DCAF8L2: variants seen among roughly 807,000 people sequenced by gnomAD.
DCAF8L2 encodes DDB1 and CUL4 associated factor 8 like 2.
For synonymous variants in DCAF8L2, 200 were observed against 190.9 expected, an observed-to-expected ratio of 1.05 and a Z score of -0.39; for missense variants, 430 against 490.7, an observed-to-expected ratio of 0.88 and a Z score of 1.17.
chrX:27,699,409 G>A (rs1005141414), intron 3 of DCAF8L2, among the ~76,000 whole-genome samples: 1 of 112,065 alleles, frequency 8.9e-6, no homozygotes, highest in East Asian at 2.8e-4. Flanking sequence ...ACTCAGGAGA[G>A]AGGAAAGGCC....
chrX:27,471,830 G>A, the DCAF8L2 span, among the ~76,000 whole-genome samples: 14 of 111,569 alleles, frequency 1.3e-4, no homozygotes, highest in East Asian at 1.1e-3. Flanking sequence ...AAGACAATAG[G>A]TGTTCAGTGA....
intron 4 of DCAF8L2, among the ~76,000 whole-genome samples, chrX:27,737,927 C>G (rs1285758983): frequency 9.0e-6 from 1 of 111,556 alleles, no homozygotes; most frequent in Admixed American, 9.5e-5. Context: ...ATCTTTCCCA[C>G]TAGGATGTTA....
chrX:27,507,528 T>C, the DCAF8L2 span, among the ~76,000 whole-genome samples: 5 of 111,876 alleles, frequency 4.5e-5, 1 homozygote, highest in Admixed American at 4.8e-4. Context: ...TTCCATATTA[T>C]GTTCTAGTCA....
intron 1 of DCAF8L2, among the ~76,000 whole-genome samples, chrX:27,621,688 A>G (rs1394293707): frequency 9.0e-6 from 1 of 111,549 alleles, no homozygotes; most frequent in Non-Finnish European, 1.9e-5. Flanking sequence ...GATGTGTGCA[A>G]TAGGAGTTCT....
the DCAF8L2 span, among the ~76,000 whole-genome samples, chrX:27,532,938 G>A: frequency 1.9e-5 from 2 of 102,564 alleles, no homozygotes; most frequent in African/African-American, 7.0e-5. Flanking sequence ...TTAGCTGGGC[G>A]TGGTGGCACG....
chrX:27,633,784 A>AT, intron 2 of DCAF8L2: 1 of 111,480 alleles, frequency 9.0e-6, no homozygotes, highest in South Asian at 3.7e-4. Context: ...AATCTTGGAA[A>AT]TTTTTTCTGG....
At chrX:27,693,476 T>C (rs1395676711) in intron 3 of DCAF8L2, among the ~76,000 whole-genome samples, 1 of 111,828 alleles carries the variant, frequency 8.9e-6, no homozygotes, top group East Asian at 2.8e-4. Flanking sequence ...TTTACCTTAG[T>C]TAAATGGTTT....
chrX:27,674,398 G>T (rs1432426656), intron 2 of DCAF8L2, among the ~76,000 whole-genome samples: 1 of 110,905 alleles, frequency 9.0e-6, no homozygotes, highest in South Asian at 3.9e-4. Context: ...TTTCTGCTTA[G>T]ACAAAATTAG....
chrX:27,588,466 A>G (rs758031813), upstream of DCAF8L2, among the ~76,000 whole-genome samples: 1 of 111,313 alleles, frequency 9.0e-6, no homozygotes, highest in Non-Finnish European at 1.9e-5. Flanking sequence ...GGGTGCAGGT[A>G]GAACAATTTA....
intron 2 of DCAF8L2, among the ~76,000 whole-genome samples, chrX:27,650,198 TTC>T (rs1341825527): frequency 9.0e-6 from 1 of 111,469 alleles, no homozygotes; most frequent in Non-Finnish European, 1.9e-5. Flanking sequence ...ATTACTGTTG[TTC>T]TGTAGTATAG....
chrX:27,618,530 A>C (rs1927582558), intron 1 of DCAF8L2, among the ~76,000 whole-genome samples: 1 of 111,852 alleles, frequency 8.9e-6, no homozygotes, highest in African/African-American at 3.2e-5. Context: ...TTCAGATTAG[A>C]CATAGACGCT....
the DCAF8L2 span, among the ~76,000 whole-genome samples, chrX:27,527,500 G>C: frequency 9.0e-6 from 1 of 110,777 alleles, no homozygotes; most frequent in Non-Finnish European, 1.9e-5. Flanking sequence ...ACCCTGCTTC[G>C]GCTCACGCTC....
At chrX:27,544,966 A>G in the DCAF8L2 span, among the ~76,000 whole-genome samples, 1 of 112,326 alleles carries the variant, frequency 8.9e-6, no homozygotes, top group Admixed American at 9.5e-5. Flanking sequence ...TGAATGTCCT[A>G]TGCCTTAACA....
At chrX:27,650,207 A>G (rs933700968) in intron 2 of DCAF8L2, among the ~76,000 whole-genome samples, 1 of 111,596 alleles carries the variant, frequency 9.0e-6, no homozygotes, top group Admixed American at 9.5e-5. Flanking sequence ...GTTCTGTAGT[A>G]TAGTTTGAAG....
chrX:27,519,880 TATTTTA>T, the DCAF8L2 span: 1 of 281,950 alleles, frequency 3.5e-6, no homozygotes, highest in Non-Finnish European at 6.2e-6. Flanking sequence ...TTTCTTATGA[TATTTTA>T]ATTATATACT....
At chrX:27,570,210 C>T in the DCAF8L2 span, among the ~76,000 whole-genome samples, 2 of 110,719 alleles carry the variant, frequency 1.8e-5, no homozygotes, top group Non-Finnish European at 3.8e-5. Context: ...TATGATTTCC[C>T]TAATGTATGC....
the DCAF8L2 span, among the ~76,000 whole-genome samples, chrX:27,564,734 G>GAA: frequency 8.4e-5 from 9 of 106,823 alleles, no homozygotes; most frequent in East Asian, 3.0e-4. Context: ...TTTTGTCAAT[G>GAA]AAAAAAAAAT....
chrX:27,515,174 A>G, the DCAF8L2 span, among the ~76,000 whole-genome samples: 106 of 111,885 alleles, frequency 9.5e-4, 1 homozygote, highest in African/African-American at 3.3e-3. Flanking sequence ...CTTTTTTGGC[A>G]TGAGCTTTTG....
the DCAF8L2 span, chrX:27,519,539 T>TA: frequency 3.9e-6 from 3 of 773,359 alleles, no homozygotes; most frequent in African/African-American, 6.2e-5. Context: ...AAAGAAGAGT[T>TA]AAAAACTGTG....
Sources: gnomAD v4.1 joint callset for allele counts (sites outside exome capture counted in the v4.1 genomes callset) on GRCh38, gnomAD v4.1.1 for gene constraint, MANE v1.5 for transcripts, NCBI Gene and HGNC (gene_info 2026-07-23, HGNC 2026-07-21) for gene names.